The following CNGA4 variants were observed in gnomAD, a reference collection of about 807,000 sequenced individuals.
The protein encoded by CNGA4 is cyclic nucleotide-gated channel alpha-4.
Under a neutral mutation model 45.6 loss-of-function variants are expected in CNGA4, and 32 were observed. The ratio of observed to expected loss-of-function variants is 0.70; its 90% CI spans 0.53 to 0.94. The LOEUF (loss-of-function observed/expected upper bound fraction) is 0.94, where lower values mean the gene tolerates loss of function less well. CNGA4 is among the 40% of genes least tolerant of loss of function. CNGA4 has a pLI of 0.00. For synonymous variants in CNGA4, 293 were observed against 304.6 expected (o/e 0.96, Z 0.40); for missense variants, 726 against 755.1 (o/e 0.96, Z 0.45).
Position 6,241,767 on chromosome 11 carries a change from C to T in CNGA4, c.1254C>T (p.Ile418=). The change falls in exon 5 of 6, where the codon ATC becomes ATT. Residue 418 remains isoleucine (I), a synonymous_variant. Coordinates refer to ENST00000379936, the MANE Select transcript of CNGA4 (RefSeq NM_001037329.4). ...GAGLYFGEIS[I]INIKGNMSGN... ...GGCTCTACTTTGGGGAGATCAGCAT[C>T]ATCAACATCAAAGGTGGGTATCCCA... The T allele has an allele frequency of 1.2e-6, 2 of 1,614,046 alleles. No individual in the cohort carries two copies. The highest frequency in any genetic ancestry group is 8.5e-7 in the Non-Finnish European group (1 of 1,179,926).
chr11:6,235,938 CAAA>C (rs112508509), upstream of CNGA4, among the ~76,000 whole-genome samples: 1 of 105,588 alleles, frequency 9.5e-6, no homozygotes. Flanking sequence ...GACTCCGTCT[CAAA>C]AAAAAAAAAA....
chr11:6,240,374 C>G lies in CNGA4; in HGVS notation c.580C>G (p.Leu194Val). 1 of 1,614,240 alleles carries G rather than the reference C, an allele frequency of 6.2e-7. No homozygotes were observed. Residue 194 changes from leucine to valine, a missense_variant, in exon 4 of 6, where the codon CTG (leucine) becomes GTG (valine). Physicochemically the swap from Leu to Val is conservative, Grantham distance 32. Coordinates refer to ENST00000379936, the MANE Select transcript of CNGA4 (RefSeq NM_001037329.4). This position sits in a 1 kb window ranked among gnomAD's most constrained non-coding sequence, Gnocchi z 4.9. ...SCLYFALSRY[L>V]GFGRDAWVYP... is the part of the protein sequence containing the mutation. Reference sequence around the variant, plus strand: ...CCTATACTTTGCCCTATCCCGGTACCTGGGCTTCGGGCGTGACGCATGGGT... The same window carrying G: ...CCTATACTTTGCCCTATCCCGGTACGTGGGCTTCGGGCGTGACGCATGGGT...
Position 6,243,980 on chromosome 11 carries a change from C to A in CNGA4, c.1299C>A (p.Asn433Lys). The A allele has an allele frequency of 6.2e-7, 1 of 1,613,964 alleles. No homozygotes were observed. Among genetic ancestry groups the A allele is most frequent in the Non-Finnish European group, 8.5e-7 (1 of 1,179,986 alleles). Residue 433 changes from asparagine to lysine, a missense_variant, in exon 6 of 6, where the codon AAC becomes AAA. Asn to Lys is a moderately conservative substitution (Grantham distance 94). Transcript: ENST00000379936. ...GNMSGNRRTA[N>K]IKSLGYSDLF... ...TGTCTGGGAACCGCCGCACAGCCAACATCAAGAGCCTAGGTTATTCAGACC... is the reference window on the plus strand; with the variant it reads ...TGTCTGGGAACCGCCGCACAGCCAAAATCAAGAGCCTAGGTTATTCAGACC...
Position 6,241,530 on chromosome 11 carries a change from C to T in CNGA4, c.1017C>T (p.His339=), listed in dbSNP as rs760186653. ...GGGCAGAAGTGGCTGTGTCTGTGCA[C>T]CTGTCCACTCTGAGCCGGGTGCAGA... ...RLRAEVAVSV[H]LSTLSRVQIF... is the part of the protein sequence containing the mutation. The change falls in exon 5 of 6, where the codon CAC becomes CAT. Residue 339 remains histidine (H), a synonymous_variant. Transcript: ENST00000379936. The T allele has an allele frequency of 6.2e-7, 1 of 1,614,200 alleles. No individual in the cohort carries two copies. Among genetic ancestry groups the T allele is most frequent in the Non-Finnish European group, 8.5e-7 (1 of 1,180,016 alleles).
rs745462263 is a variant in CNGA4, at chr11:6,239,648, G to T, written c.165-36G>T. 8.7e-6 allele frequency: 14 copies of T among 1,604,012 alleles called. No homozygotes were observed. In the Admixed American group the frequency reaches 2.4e-4, roughly 27 times the overall value. On this transcript the variant is annotated intron_variant, in intron 2 of 5. Coordinates refer to ENST00000379936, the MANE Select transcript of CNGA4 (RefSeq NM_001037329.4). ...GGGAGACGCCTCGCACACAGAGGGTGCCCTTAATTCAATCATGCTTAACCC... is the reference window on the plus strand; with the variant it reads ...GGGAGACGCCTCGCACACAGAGGGTTCCCTTAATTCAATCATGCTTAACCC...
chr11:6,240,064 A>G lies in CNGA4; in HGVS notation c.272-2A>G, dbSNP rs370207927. 5.6e-6 allele frequency: 9 copies of G among 1,602,094 alleles called. No individual in the cohort carries two copies. In the African/African-American group the frequency reaches 9.4e-5, roughly 17 times the overall value. On this transcript the variant is annotated splice_acceptor_variant, in intron 3 of 5. Coordinates refer to ENST00000379936, the MANE Select transcript of CNGA4 (RefSeq NM_001037329.4). LOFTEE classifies it high-confidence loss of function. This position sits in a 1 kb window ranked among gnomAD's most constrained non-coding sequence, Gnocchi z 4.9. ...CGCTTCCTACCGGCTCCCTCTCCCC[A>G]GGATTCTTGGAACAGGGCATCCTGG...
chr11:6,242,717 T>C (rs1847935219), intron 5 of CNGA4, among the ~76,000 whole-genome samples: 2 of 152,102 alleles, frequency 1.3e-5, no homozygotes, highest in South Asian at 4.1e-4. Flanking sequence ...ACCCAATGAG[T>C]TATTTGTGAG....
chr11:6,242,885 A>G (rs1178347084), intron 5 of CNGA4, among the ~76,000 whole-genome samples: 4 of 152,108 alleles, frequency 2.6e-5, no homozygotes, highest in African/African-American at 7.2e-5. Flanking sequence ...CTCCACCAAC[A>G]TCTTTCTAAA....
upstream of CNGA4, among the ~76,000 whole-genome samples, chr11:6,235,331 T>C (rs1444648209): frequency 6.6e-6 from 1 of 152,146 alleles, no homozygotes; most frequent in Non-Finnish European, 1.5e-5. Flanking sequence ...CCGTCACCCC[T>C]TGAGCACTTA....
rs139620843 is a variant in CNGA4, at chr11:6,244,244, C to A, written c.1563C>A (p.Ser521Arg). The change falls in exon 6 of 6, where the codon AGC (serine) becomes AGA (arginine). Residue 521 changes from serine (S) to arginine (R), a missense_variant. Physicochemically the swap from Ser to Arg is moderately radical, Grantham distance 110. Transcript: ENST00000379936. This position sits in a 1 kb window ranked among gnomAD's most constrained non-coding sequence, Gnocchi z 4.5. ...FARLLAELES[S>R]ALKIAYRIER... ...GCCTCCTGGCTGAGCTGGAGTCCAG[C>A]GCACTTAAGATTGCTTACCGCATTG... The A allele has an allele frequency of 3.5e-5, 56 of 1,614,038 alleles. No individual in the cohort carries two copies. Among genetic ancestry groups the A allele is most frequent in the Non-Finnish European group, 3.6e-5 (43 of 1,180,036 alleles).
In CNGA4 at chr11:6,240,321, T is replaced by C; in HGVS notation, c.527T>C (p.Ile176Thr). The change falls in exon 4 of 6, where the codon ATT becomes ACT. Residue 176 changes from isoleucine to threonine, a missense_variant. Coordinates refer to ENST00000379936, the MANE Select transcript of CNGA4 (RefSeq NM_001037329.4). The surrounding 1 kb of genome is among the most constrained non-coding windows in gnomAD (Gnocchi z 4.9). ...CGCATTGCCAAGCTGATGCTTTACA[T>C]TTTTGTCGTCATCCATTGGAACAGC... ...AFRIAKLMLY[I>T]FVVIHWNSCL... 5 of 1,614,188 alleles carry C rather than the reference T, an allele frequency of 3.1e-6. No homozygotes were observed. The highest frequency in any genetic ancestry group is 4.2e-6 in the Non-Finnish European group (5 of 1,180,022).
At position 6,240,441 on chromosome 11, in the gene CNGA4, G is replaced by A. The variant is rs1353756952; in HGVS notation, c.647G>A (p.Arg216His). 1.9e-6 allele frequency: 3 copies of A among 1,614,058 alleles called. No individual in the cohort carries two copies. The highest frequency in any genetic ancestry group is 1.1e-5 in the South Asian group (1 of 91,092). The stretch of plus-strand genomic sequence containing the variant: ...CAGCCTGGCTTTGAGCGCCTGCGGC[G>A]CCAGTACCTCTATAGCTTTTACTTC... Reference protein sequence around the residue: ...PAQPGFERLRRQYLYSFYFST... With the variant: ...PAQPGFERLRHQYLYSFYFST... The change falls in exon 4 of 6, where the codon CGC becomes CAC. Residue 216 changes from arginine (R) to histidine (H), a missense_variant. Transcript: ENST00000379936. This position sits in a 1 kb window ranked among gnomAD's most constrained non-coding sequence, Gnocchi z 4.9.
chr11:6,241,779 AG>A lies in CNGA4; in HGVS notation c.1267+1del. The A allele has an allele frequency of 6.2e-7, 1 of 1,613,778 alleles. No homozygotes were observed. The highest frequency in any genetic ancestry group is 8.5e-7 in the Non-Finnish European group (1 of 1,179,664). On this transcript the variant is annotated frameshift_variant and splice_region_variant, in exon 5 of 6. Transcript: ENST00000379936. LOFTEE classifies it high-confidence loss of function. ...FGEISIINIK[G>X]NMSGNRRTAN... ...GGGAGATCAGCATCATCAACATCAA[AG>A]GTGGGTATCCCAGTATTTGTTCCAG...
rs760308838 is a variant in CNGA4, at chr11:6,240,284, C to G, written c.490C>G (p.Pro164Ala). The G allele has an allele frequency of 6.2e-7, 1 of 1,614,224 alleles. No homozygotes were observed. Among genetic ancestry groups the G allele is most frequent in the South Asian group, 1.1e-5 (1 of 91,090 alleles). ...FDRTETRTAY[P>A]NAFRIAKLML... ...CCGCACAGAGACCCGCACAGCTTACCCAAATGCCTTTCGCATTGCCAAGCT... is the reference window on the plus strand; with the variant it reads ...CCGCACAGAGACCCGCACAGCTTACGCAAATGCCTTTCGCATTGCCAAGCT... Residue 164 changes from proline to alanine, a missense_variant, in exon 4 of 6, where the codon CCA becomes GCA. By Grantham distance (27) the Pro-to-Ala change is conservative. Transcript: ENST00000379936. This position sits in a 1 kb window ranked among gnomAD's most constrained non-coding sequence, Gnocchi z 4.9.
At position 6,244,336 on chromosome 11, in the gene CNGA4, G is replaced by A. The variant is rs1338822657; in HGVS notation, c.1655G>A (p.Gly552Asp). The A allele has an allele frequency of 1.9e-6, 3 of 1,613,936 alleles. No individual in the cohort carries two copies. The South Asian group carries it at 3.3e-5, about 18-fold the overall frequency. The change falls in exon 6 of 6, where the codon GGT becomes GAT. Residue 552 changes from glycine (G) to aspartate (D), a missense_variant. Physicochemically the swap from Gly to Asp is moderately conservative, Grantham distance 94 (BLOSUM62 -1). Transcript: ENST00000379936. The surrounding 1 kb of genome is among the most constrained non-coding windows in gnomAD (Gnocchi z 4.5). ...PEDLAEADDE[G>D]EPEEGTSKDE... ...GACCTGGCTGAGGCTGATGACGAGG[G>A]TGAGCCTGAGGAGGGAACTTCCAAA...
chr11:6,239,891 T>G (rs1022721239), intron 3 of CNGA4, 101 bp downstream of exon 3: 2 of 1,362,238 alleles, frequency 1.5e-6, no homozygotes, highest in African/African-American at 1.4e-5. Flanking sequence ...GGTAGCACCT[T>G]CGCGTGCCTC....
At position 6,240,392 on chromosome 11, in the gene CNGA4, G is replaced by C; in HGVS notation, c.598G>C (p.Ala200Pro). The change falls in exon 4 of 6, where the codon GCA becomes CCA. Residue 200 changes from alanine to proline, a missense_variant. Coordinates refer to ENST00000379936, the MANE Select transcript of CNGA4 (RefSeq NM_001037329.4). This position sits in a 1 kb window ranked among gnomAD's most constrained non-coding sequence, Gnocchi z 4.9. ...CCGGTACCTGGGCTTCGGGCGTGAC[G>C]CATGGGTGTACCCGGACCCCGCGCA... The part of the protein sequence containing the change: ...LSRYLGFGRD[A>P]WVYPDPAQPG... The C allele has an allele frequency of 1.2e-6, 2 of 1,614,218 alleles. No individual in the cohort carries two copies. Among genetic ancestry groups the C allele is most frequent in the Non-Finnish European group, 1.7e-6 (2 of 1,180,044 alleles).
downstream of CNGA4, chr11:6,244,561 G>A (rs961142230): frequency 1.1e-4 from 55 of 503,168 alleles, no homozygotes; most frequent in African/African-American, 9.2e-4. This position sits in a 1 kb window ranked among gnomAD's most constrained non-coding sequence, Gnocchi z 4.5. Context: ...GGAGTTTAAC[G>A]CACATTCAGC....
intron 5 of CNGA4, among the ~76,000 whole-genome samples, chr11:6,243,020 T>C (rs1187089805): frequency 6.6e-6 from 1 of 152,170 alleles, no homozygotes; most frequent in Non-Finnish European, 1.5e-5. Flanking sequence ...CTCCCCTCTC[T>C]CCACCCTCCC....
Sources: allele counts gnomAD v4.1 joint callset (sites outside exome capture counted in the v4.1 genomes callset), GRCh38; gene constraint gnomAD v4.1.1; non-coding constraint Gnocchi (gnomAD v3.1); transcripts MANE v1.5; gene names NCBI Gene and HGNC (gene_info 2026-07-23, HGNC 2026-07-21).